Variants in GNG12 observed in about 807,000 individuals in gnomAD.
GNG12 encodes G protein subunit gamma 12.
For synonymous variants in GNG12, 28 were observed against 29.7 expected (o/e 0.94, Z 0.19); for missense variants, 69 against 83.8 (o/e 0.82, Z 0.69).
chr1:67,740,261 A>G (rs1646475423), intron 2 of GNG12, among the ~76,000 whole-genome samples: 1 of 152,262 alleles, frequency 6.6e-6, no homozygotes, highest in African/African-American at 2.4e-5. Flanking sequence ...TACTCTTACC[A>G]CTGTTGTTTG....
rs371117977 is a variant in GNG12 at position 67,767,302 on chromosome 1, CAG to C, written c.-27+10154_-27+10155del. Among the ~76,000 whole-genome samples the C allele has an allele frequency of 1.1e-3, 164 of 152,252 alleles. 1 individual carries two copies. The highest frequency in any genetic ancestry group is 3.6e-3 in the African/African-American group (149 of 41,538). On this transcript the variant is annotated intron_variant, in intron 2 of 3. Transcript: ENST00000370982. ...ATGGTGCCATCTCTAATGAGACTGA[CAG>C]GGGTTCAGCACGACAGGGCCTGAGC... is the stretch of plus-strand genomic sequence containing the variant.
intron 2 of GNG12, among the ~76,000 whole-genome samples, chr1:67,728,055 AT>A (rs1175988698): frequency 6.6e-6 from 1 of 152,160 alleles, no homozygotes; most frequent in Non-Finnish European, 1.5e-5. Flanking sequence ...ATTTAATGAC[AT>A]TTTCTTAGAA....
intron 2 of GNG12, among the ~76,000 whole-genome samples, chr1:67,765,640 T>C (rs77529803): frequency 5.3e-5 from 8 of 152,324 alleles, no homozygotes; most frequent in African/African-American, 1.9e-4. Flanking sequence ...GCATTTTTCT[T>C]TTAAAAATAC....
At chr1:67,742,034 T>C (rs1646485567) in intron 2 of GNG12, among the ~76,000 whole-genome samples, 2 of 152,194 alleles carry the variant, frequency 1.3e-5, no homozygotes, top group African/African-American at 4.8e-5. Context: ...TGTTTCAATG[T>C]TTCAAGCAGG....
intron 2 of GNG12, among the ~76,000 whole-genome samples, chr1:67,732,265 AACTG>A (rs1279611263): frequency 5.9e-5 from 9 of 152,248 alleles, no homozygotes; most frequent in Admixed American, 1.3e-4. Context: ...TTCTCAAAAG[AACTG>A]ACTATCGGGG....
chr1:67,799,077 C>T (rs1646849000), intron 1 of GNG12, among the ~76,000 whole-genome samples: 1 of 152,228 alleles, frequency 6.6e-6, no homozygotes, highest in South Asian at 2.1e-4. Context: ...ATATAACATA[C>T]AAAATGTGTG....
chr1:67,753,409 C>T (rs1437205641), intron 2 of GNG12, among the ~76,000 whole-genome samples: 5 of 151,806 alleles, frequency 3.3e-5, no homozygotes, highest in African/African-American at 7.3e-5. Context: ...TTCAGATAAG[C>T]GATTCTCAAT....
chr1:67,744,547 C>T (rs1269908184), intron 2 of GNG12, among the ~76,000 whole-genome samples: 1 of 152,170 alleles, frequency 6.6e-6, no homozygotes, highest in Non-Finnish European at 1.5e-5. Context: ...GCAGAGAGGG[C>T]CCACGTCTTA....
At chr1:67,749,168 T>C (rs1646524489) in intron 2 of GNG12, among the ~76,000 whole-genome samples, 1 of 152,168 alleles carries the variant, frequency 6.6e-6, no homozygotes, top group Non-Finnish European at 1.5e-5. Context: ...AGAAGAATAG[T>C]CTGCTAACTT....
chr1:67,774,737 C>T lies in GNG12; in HGVS notation c.-27+2721G>A, dbSNP rs370932893. Among the ~76,000 whole-genome samples the T allele has an allele frequency of 1.1e-4, 16 of 152,186 alleles. No homozygotes were observed. The East Asian group carries it at 1.7e-3, about 16-fold the overall frequency. ...CCCACCAAATCAAAATGCCTTCCTC[C>T]TCTCTCTAGAACCTTGGGCTTGACT... On this transcript the variant is annotated intron_variant, in intron 2 of 3. Coordinates refer to ENST00000370982, the MANE Select transcript of GNG12 (RefSeq NM_018841.6).
intron 2 of GNG12, among the ~76,000 whole-genome samples, chr1:67,769,415 A>G (rs976232319): frequency 2.0e-4 from 30 of 152,256 alleles, no homozygotes; most frequent in African/African-American, 6.7e-4. Context: ...GAAAACCTAC[A>G]TAAGTGAGGG....
At chr1:67,774,840 A>G (rs563263393) in intron 2 of GNG12, among the ~76,000 whole-genome samples, 3 of 152,238 alleles carry the variant, frequency 2.0e-5, no homozygotes, top group Non-Finnish European at 4.4e-5. Context: ...GGCATTTTGA[A>G]GAGGAAAAAA....
chr1:67,769,635 C>A (rs539814613), intron 2 of GNG12, among the ~76,000 whole-genome samples: 1 of 152,140 alleles, frequency 6.6e-6, no homozygotes, highest in South Asian at 2.1e-4. Flanking sequence ...TACAGGTGCA[C>A]GTTGGTATGC....
At chr1:67,709,309 C>T (rs1451138585) in intron 2 of GNG12, among the ~76,000 whole-genome samples, 1 of 152,074 alleles carries the variant, frequency 6.6e-6, no homozygotes, top group African/African-American at 2.4e-5. Context: ...TCCCTGTTTA[C>T]CTGTTTGTTC....
At chr1:67,765,577 T>C (rs1340705082) in intron 2 of GNG12, among the ~76,000 whole-genome samples, 1 of 152,126 alleles carries the variant, frequency 6.6e-6, no homozygotes, top group Non-Finnish European at 1.5e-5. Flanking sequence ...TAACAGAAGA[T>C]GAAATACATA....
At chr1:67,714,697 G>T (rs1449039317) in intron 2 of GNG12, among the ~76,000 whole-genome samples, 1 of 152,116 alleles carries the variant, frequency 6.6e-6, no homozygotes, top group Non-Finnish European at 1.5e-5. Flanking sequence ...TCTTCCAGTG[G>T]GATGGGCTGA....
chr1:67,829,361 G>T (rs949643995), intron 1 of GNG12, among the ~76,000 whole-genome samples: 3 of 152,090 alleles, frequency 2.0e-5, no homozygotes, highest in African/African-American at 7.2e-5. Flanking sequence ...AATTAATATT[G>T]CAAACCATTT....
At chr1:67,792,065 G>T (rs1557619380) in intron 1 of GNG12, among the ~76,000 whole-genome samples, 1 of 152,144 alleles carries the variant, frequency 6.6e-6, no homozygotes, top group Non-Finnish European at 1.5e-5. Context: ...AGGTCTCTGG[G>T]TCAAGCGTTA....
intron 2 of GNG12, among the ~76,000 whole-genome samples, chr1:67,730,058 G>A (rs7528997): frequency 0.43 from 65,198 of 152,064 alleles, 15,434 homozygotes; most frequent in South Asian, 0.55. Flanking sequence ...CTATTCAAAT[G>A]GAAACTGCCC....
Sources: allele counts gnomAD v4.1 joint callset (sites outside exome capture counted in the v4.1 genomes callset), GRCh38; gene constraint gnomAD v4.1.1; transcripts MANE v1.5; gene names NCBI Gene and HGNC (gene_info 2026-07-23, HGNC 2026-07-21).